CADM2: variants seen among roughly 807,000 people sequenced by gnomAD.
CADM2 encodes immunoglobulin superfamily member 4D.
In CADM2, 12 loss-of-function variants were observed where a neutral mutation model predicts 49.8. That is an observed-to-expected ratio of 0.24 (90% CI 0.15 to 0.39). CADM2 has a LOEUF of 0.39. Among genes scored for constraint, CADM2 ranks in the 10% least tolerant of loss-of-function variants. CADM2 has a pLI of 1.00. For synonymous variants in CADM2, 214 were observed against 175.4 expected (o/e 1.22, Z -1.74); for missense variants, 378 against 492.3 (o/e 0.77, Z 2.20).
chr3:85,945,253 C>A (rs1246191358), intron 7 of CADM2, among the ~76,000 whole-genome samples: 1 of 151,972 alleles, frequency 6.6e-6, no homozygotes. Flanking sequence ...CTGAATAGAC[C>A]AATAACAGGC....
intron 3 of CADM2, among the ~76,000 whole-genome samples, chr3:85,875,182 G>A (rs1429945759): frequency 6.6e-6 from 1 of 152,050 alleles, no homozygotes; most frequent in East Asian, 1.9e-4. Context: ...GACTGTGAAA[G>A]AACAAAACAG....
intron 4 of CADM2, among the ~76,000 whole-genome samples, chr3:85,884,967 C>A (rs1377294910): frequency 3.3e-5 from 5 of 150,318 alleles, no homozygotes; most frequent in Admixed American, 2.0e-4. Context: ...ATCACTTGAC[C>A]TCGGCCTCCC....
At chr3:85,268,652 C>A (rs1322451391) in intron 1 of CADM2, among the ~76,000 whole-genome samples, 1 of 151,012 alleles carries the variant, frequency 6.6e-6, no homozygotes, top group Non-Finnish European at 1.5e-5. Flanking sequence ...ACTTAAAATT[C>A]AAAAAAATGT....
chr3:85,640,702 A>G (rs1293195892), intron 1 of CADM2, among the ~76,000 whole-genome samples: 2 of 152,224 alleles, frequency 1.3e-5, no homozygotes, highest in Admixed American at 6.5e-5. Flanking sequence ...GCAAGGGATC[A>G]GCATAGGATA....
intron 7 of CADM2, among the ~76,000 whole-genome samples, chr3:85,958,479 T>C (rs1724343901): frequency 1.3e-5 from 2 of 151,842 alleles, no homozygotes; most frequent in East Asian, 2.0e-4. Context: ...ATCGTTCTAA[T>C]ATAAAGACAC....
At chr3:85,151,023 G>A (rs1353842771) in intron 1 of CADM2, among the ~76,000 whole-genome samples, 1 of 151,710 alleles carries the variant, frequency 6.6e-6, no homozygotes, top group Non-Finnish European at 1.5e-5. Context: ...TGTTTATTGA[G>A]GCTTGAATTT....
At chr3:84,983,006 C>T (rs1289017052) in intron 1 of CADM2, among the ~76,000 whole-genome samples, 1 of 151,252 alleles carries the variant, frequency 6.6e-6, no homozygotes, top group Non-Finnish European at 1.5e-5. Context: ...TTCAGCCTCC[C>T]AAAGTCCTGG....
At chr3:85,917,815 C>A (rs1230053976) in intron 6 of CADM2, among the ~76,000 whole-genome samples, 1 of 152,144 alleles carries the variant, frequency 6.6e-6, no homozygotes, top group Non-Finnish European at 1.5e-5. Flanking sequence ...GAGTGTTCTT[C>A]CATTTGTTTG....
chr3:85,928,423 C>T (rs1278452022), intron 6 of CADM2, among the ~76,000 whole-genome samples: 2 of 152,110 alleles, frequency 1.3e-5, no homozygotes, highest in African/African-American at 2.4e-5. Context: ...TCCGAAAGTG[C>T]TGGGATTACA....
chr3:85,161,910 G>T (rs554627317), intron 1 of CADM2, among the ~76,000 whole-genome samples: 1 of 152,010 alleles, frequency 6.6e-6, no homozygotes, highest in South Asian at 2.1e-4. Flanking sequence ...CCACCTACTC[G>T]GGAGGCTGAG....
At chr3:85,612,977 C>G (rs2063715808) in intron 1 of CADM2, among the ~76,000 whole-genome samples, 5 of 151,640 alleles carry the variant, frequency 3.3e-5, no homozygotes, top group Admixed American at 3.3e-4. Context: ...TCTAATTGAT[C>G]ATGGAGTCTT....
rs1469862762 is a variant in CADM2 at position 85,870,710 on chromosome 3, AATGTATGCATATGTCTTT to A, written c.239-12577_239-12560del. ...TTGTGAATAGTGCTACAATGAACAA[AATGTATGCATATGTCTTT>A]ATGGTAGAATGATTTCTATTCCTTT... On this transcript the variant is annotated intron_variant, in intron 3 of 9. Coordinates refer to ENST00000383699, the MANE Select transcript of CADM2 (RefSeq NM_001167675.2). 2.6e-5 allele frequency among the ~76,000 whole-genome samples: 4 copies of A among 152,198 alleles called. No homozygotes were observed. In the East Asian group the frequency reaches 7.7e-4, roughly 29 times the overall value.
intron 1 of CADM2, among the ~76,000 whole-genome samples, chr3:85,157,996 A>G (rs2040193808): frequency 6.6e-6 from 1 of 152,206 alleles, no homozygotes; most frequent in African/African-American, 2.4e-5. Context: ...ATTTACAAGA[A>G]AAAAACAAAC....
At chr3:85,534,733 T>G (rs1370439951) in intron 1 of CADM2, among the ~76,000 whole-genome samples, 1 of 152,180 alleles carries the variant, frequency 6.6e-6, no homozygotes, top group Non-Finnish European at 1.5e-5. Flanking sequence ...GCTCTTGACC[T>G]TTGTTTCCCA....
intron 1 of CADM2, among the ~76,000 whole-genome samples, chr3:85,483,095 TG>T (rs201481380): frequency 2.0e-5 from 3 of 151,494 alleles, no homozygotes; most frequent in Non-Finnish European, 4.4e-5. Context: ...TAGTATAGTA[TG>T]GGTTTTTTGA....
At chr3:85,501,755 G>A (rs758175281) in intron 1 of CADM2, among the ~76,000 whole-genome samples, 28 of 151,858 alleles carry the variant, frequency 1.8e-4, no homozygotes, top group African/African-American at 5.1e-4. Context: ...GTATATCTTC[G>A]TTTAATACTT....
At chr3:85,331,251 C>T (rs946798078) in intron 1 of CADM2, among the ~76,000 whole-genome samples, 3 of 151,928 alleles carry the variant, frequency 2.0e-5, no homozygotes, top group Admixed American at 2.0e-4. Context: ...TTTTTGTAAA[C>T]GTTAACCATT....
chr3:85,566,253 G>A (rs2062251003), intron 1 of CADM2, among the ~76,000 whole-genome samples: 1 of 151,902 alleles, frequency 6.6e-6, no homozygotes, highest in Admixed American at 6.6e-5. Context: ...AATACCTAAA[G>A]AATACATTCC....
chr3:85,498,438 A>G (rs887258772), intron 1 of CADM2, among the ~76,000 whole-genome samples: 2 of 152,148 alleles, frequency 1.3e-5, no homozygotes, highest in African/African-American at 4.8e-5. Flanking sequence ...GTCACTCTGG[A>G]AAGTACCAAA....
Sources: allele counts gnomAD v4.1 joint callset (sites outside exome capture counted in the v4.1 genomes callset), GRCh38; gene constraint gnomAD v4.1.1; transcripts MANE v1.5; gene names NCBI Gene and HGNC (gene_info 2026-07-23, HGNC 2026-07-21).